Variants in DCTN5 observed in about 807,000 individuals in gnomAD.
DCTN5 encodes dynactin subunit 5.
In DCTN5, 14 loss-of-function variants were observed where a neutral mutation model predicts 23.5. That is an observed-to-expected ratio of 0.60 (90% CI 0.39 to 0.93). DCTN5 has a LOEUF of 0.93. Among genes scored for constraint, DCTN5 ranks in the 40% least tolerant of loss-of-function variants. DCTN5 has a pLI of 0.00. For missense variants in DCTN5, 156 were observed against 225.9 expected, an observed-to-expected ratio of 0.69 and a Z score of 1.98; for synonymous variants, 67 against 79.6, an observed-to-expected ratio of 0.84 and a Z score of 0.84.
chr16:23,644,921 A>T (rs1414696957), intron 2 of DCTN5, among the ~76,000 whole-genome samples: 1 of 144,884 alleles, frequency 6.9e-6, no homozygotes, highest in African/African-American at 2.6e-5. Flanking sequence ...CTGGGACTAC[A>T]GGTGCACGCC....
Position 23,672,416 on chromosome 16 carries a change from C to T in DCTN5, c.*5272C>T, listed in dbSNP as rs1968022817. ...GGCACAGAGAGATTAAGTACTTTCC[C>T]AAGGTCATACAGCTAGTGATGGAGG... On this transcript the variant is annotated 3_prime_UTR_variant, in exon 6 of 6. Transcript: ENST00000300087. 6.6e-6 allele frequency: 1 copy of T among 152,146 alleles called. No homozygotes were observed. The highest frequency in any genetic ancestry group is 1.5e-5 in the Non-Finnish European group (1 of 68,036). The allele number at this position is 152,146 out of a possible 1,614,324, so 9.4% of individuals were successfully genotyped here.
chr16:23,655,913 T>C, intron 2 of DCTN5, among the ~76,000 whole-genome samples: 1 of 152,212 alleles, frequency 6.6e-6, no homozygotes, highest in African/African-American at 2.4e-5. Flanking sequence ...TGTGTCTTAC[T>C]AATTCTTAAG....
At chr16:23,652,226 A>T (rs1597117420) in intron 2 of DCTN5, among the ~76,000 whole-genome samples, 1 of 152,128 alleles carries the variant, frequency 6.6e-6, no homozygotes, top group African/African-American at 2.4e-5. Context: ...CGATAAATCT[A>T]AATTCACCTA....
At position 23,651,518 on chromosome 16, in the gene DCTN5, A is replaced by G. The variant is rs74012305; in HGVS notation, c.118-6989A>G. 3.8e-3 allele frequency among the ~76,000 whole-genome samples: 583 copies of G among 152,332 alleles called. 6 individuals are homozygous for G. The highest frequency in any genetic ancestry group is 0.013 in the African/African-American group (559 of 41,578). On this transcript the variant is annotated intron_variant, in intron 2 of 5. Transcript: ENST00000300087. ...TTTATTTCCAGATTAAGCTTGTTGT[A>G]CTTATTTAAAACACAATAAAACAAC... is the stretch of plus-strand genomic sequence containing the variant.
chr16:23,650,616 C>T lies in DCTN5; in HGVS notation c.117+7593C>T, dbSNP rs755105858. On this transcript the variant is annotated intron_variant, in intron 2 of 5. Transcript: ENST00000300087. ...CTGGGATTACAGGCATGAGCCACTGCACCCGGCTGGCCCGTCTGTGCATTT... is the reference window on the plus strand; with the variant it reads ...CTGGGATTACAGGCATGAGCCACTGTACCCGGCTGGCCCGTCTGTGCATTT... 9 of 751,280 alleles carry T rather than the reference C, an allele frequency of 1.2e-5. No homozygotes were observed. The African/African-American group carries it at 1.6e-4, about 13-fold the overall frequency. The allele number at this position is 751,280 out of a possible 1,614,324, so 46.5% of individuals were successfully genotyped here.
At position 23,667,528 on chromosome 16, in the gene DCTN5, G is replaced by A. The variant is rs1018315134; in HGVS notation, c.*384G>A. ...GGTGTGGAGGCTATGTAGCTGGTGC[G>A]CTGCTCACGGCCATTCACTGCCCAT... On this transcript the variant is annotated 3_prime_UTR_variant, in exon 6 of 6. Coordinates refer to ENST00000300087, the MANE Select transcript of DCTN5 (RefSeq NM_032486.4). The A allele has an allele frequency of 3.6e-5, 7 of 191,904 alleles. No homozygotes were observed. The East Asian group carries it at 5.0e-4, about 14-fold the overall frequency. The allele number at this position is 191,904 out of a possible 1,614,324, so 11.9% of individuals were successfully genotyped here. A position where few individuals can be genotyped will look rare whatever the true frequency, so the allele number is the denominator to read the frequency against.
At chr16:23,643,358 A>G (rs546352137) in intron 2 of DCTN5, among the ~76,000 whole-genome samples, 1 of 151,758 alleles carries the variant, frequency 6.6e-6, no homozygotes, top group African/African-American at 2.4e-5. Context: ...AGCCCGGCTA[A>G]TATTTTGTAT....
rs1968016742 is a variant in DCTN5 at position 23,672,124 on chromosome 16, T to C, written c.*4980T>C. On this transcript the variant is annotated 3_prime_UTR_variant, in exon 6 of 6. Coordinates refer to ENST00000300087, the MANE Select transcript of DCTN5 (RefSeq NM_032486.4). ...GAGGAAGAGTAGGGTCAGAGGAGTC[T>C]GGGAGAATGAGGAAATATGAGAGCC... 6.6e-6 allele frequency: 1 copy of C among 152,136 alleles called. No individual in the cohort carries two copies. Among genetic ancestry groups the C allele is most frequent in the Non-Finnish European group, 1.5e-5 (1 of 68,052 alleles). The allele number at this position is 152,136 out of a possible 1,614,324, so 9.4% of individuals were successfully genotyped here. A position where few individuals can be genotyped will look rare whatever the true frequency, so the allele number is the denominator to read the frequency against.
At chr16:23,645,404 C>T (rs1967437456) in intron 2 of DCTN5, among the ~76,000 whole-genome samples, 2 of 151,630 alleles carry the variant, frequency 1.3e-5, no homozygotes, top group African/African-American at 4.8e-5. Context: ...GAATTACAGG[C>T]ATGAGCCACT....
At chr16:23,653,219 A>G (rs1967637669) in intron 2 of DCTN5, among the ~76,000 whole-genome samples, 1 of 152,214 alleles carries the variant, frequency 6.6e-6, no homozygotes, top group South Asian at 2.1e-4. Flanking sequence ...GCTAGAAACA[A>G]TCAAATTATT....
At chr16:23,664,329 T>C (rs1437737359) in intron 4 of DCTN5, among the ~76,000 whole-genome samples, 1 of 152,230 alleles carries the variant, frequency 6.6e-6, no homozygotes, top group Admixed American at 6.5e-5. Flanking sequence ...TTCACATGCT[T>C]TCATAAGAAG....
chr16:23,666,609 C>G (rs147692942), intron 5 of DCTN5: 2 of 194,786 alleles, frequency 1.0e-5, no homozygotes, highest in Admixed American at 1.1e-4. Context: ...TACAGAGGCA[C>G]GTCATAAATT....
Position 23,644,529 on chromosome 16 carries a change from T to G in DCTN5, c.117+1506T>G, listed in dbSNP as rs552005646. On this transcript the variant is annotated intron_variant, in intron 2 of 5. Transcript: ENST00000300087. ...GTTAGCCAGGATGGTCTCAATCTCCTGACCTCGTGATCCACCTGCCTTGTC... is the reference window on the plus strand; with the variant it reads ...GTTAGCCAGGATGGTCTCAATCTCCGGACCTCGTGATCCACCTGCCTTGTC... Among the ~76,000 whole-genome samples the G allele has an allele frequency of 1.8e-4, 28 of 151,860 alleles. 1 individual carries two copies. Among genetic ancestry groups the G allele is most frequent in the Non-Finnish European group, 3.7e-4 (25 of 67,988 alleles).
intron 2 of DCTN5, chr16:23,650,656 A>G (rs1269017563): frequency 1.7e-6 from 2 of 1,166,402 alleles, no homozygotes; most frequent in African/African-American, 1.5e-5. Context: ...TGCTGTGTAC[A>G]ATTCCACTTA....
chr16:23,643,187 T>G (rs954986649), intron 2 of DCTN5, among the ~76,000 whole-genome samples, 164 bp downstream of exon 2: 1 of 149,450 alleles, frequency 6.7e-6, no homozygotes, highest in African/African-American at 2.5e-5. Context: ...CTCCTTTTTG[T>G]TTTTTTTTTG....
chr16:23,667,633 C>T lies in DCTN5; in HGVS notation c.*489C>T, dbSNP rs570578611. ...GCCAGTTGTTGCAGTTGCTCATCAT[C>T]TTGGGAAAGGTGTTTGTGACTTTTC... On this transcript the variant is annotated 3_prime_UTR_variant, in exon 6 of 6. Transcript: ENST00000300087. The T allele has an allele frequency of 6.4e-6, 1 of 157,068 alleles. No homozygotes were observed. Among genetic ancestry groups the T allele is most frequent in the East Asian group, 1.9e-4 (1 of 5,382 alleles). 9.7% of individuals were successfully genotyped at this position (157,068 alleles called of 1,614,324 possible). A position where few individuals can be genotyped will look rare whatever the true frequency, so the allele number is the denominator to read the frequency against.
In DCTN5 at chr16:23,671,281, G is replaced by T. The variant is rs1461821984; in HGVS notation, c.*4137G>T. The T allele has an allele frequency of 6.8e-6, 1 of 148,044 alleles. No individual in the cohort carries two copies. The highest frequency in any genetic ancestry group is 2.5e-5 in the African/African-American group (1 of 39,876). 9.2% of individuals were successfully genotyped at this position (148,044 alleles called of 1,614,324 possible). On this transcript the variant is annotated 3_prime_UTR_variant, in exon 6 of 6. Transcript: ENST00000300087. ...TAAAGCATAAGTACTGGCTCAGGGTGAGCACTCAATAAACGGCAGTTTATT... is the reference window on the plus strand; with the variant it reads ...TAAAGCATAAGTACTGGCTCAGGGTTAGCACTCAATAAACGGCAGTTTATT...
intron 2 of DCTN5, among the ~76,000 whole-genome samples, chr16:23,656,186 C>G (rs1195487447): frequency 3.9e-5 from 6 of 152,176 alleles, no homozygotes; most frequent in Non-Finnish European, 1.5e-5. Flanking sequence ...ATGATCATGC[C>G]ACTGCACTCC....
At chr16:23,650,575 T>C (rs1376649697) in intron 2 of DCTN5, among the ~76,000 whole-genome samples, 4 of 151,746 alleles carry the variant, frequency 2.6e-5, no homozygotes, top group Non-Finnish European at 4.4e-5. Context: ...ATTGCCCACT[T>C]TGGCCTCCCA....
Sources: allele counts gnomAD v4.1 joint callset (sites outside exome capture counted in the v4.1 genomes callset), GRCh38; gene constraint gnomAD v4.1.1; transcripts MANE v1.5; gene names NCBI Gene and HGNC (gene_info 2026-07-23, HGNC 2026-07-21).